Variants in NMI observed in about 807,000 individuals in gnomAD.
The protein encoded by NMI is N-myc and STAT interactor.
Under a neutral mutation model 34.3 loss-of-function variants are expected in NMI, and 39 were observed. The observed-to-expected ratio is 1.14, with a 90% confidence interval of 0.88 to 1.49. The LOEUF (loss-of-function observed/expected upper bound fraction) is 1.49. NMI is among the 40% of genes most tolerant of loss of function. The pLI, the probability that NMI is intolerant of heterozygous loss-of-function variation, is 0.00. For missense variants in NMI, 339 were observed against 358.1 expected (o/e 0.95, Z 0.43); for synonymous variants, 113 against 120.3 (o/e 0.94, Z 0.40).
Position 151,282,924 on chromosome 2 carries a change from G to GT in NMI, c.24dup (p.Gln9ThrfsTer5), listed in dbSNP as rs760536315. 1.3e-6 allele frequency: 2 copies of GT among 1,529,884 alleles called. No individual in the cohort carries two copies. The highest frequency in any genetic ancestry group is 1.8e-6 in the Non-Finnish European group (2 of 1,133,460). The allele number at this position is 1,529,884 out of a possible 1,614,324, so 94.8% of individuals were successfully genotyped here. On this transcript the variant is annotated frameshift_variant, in exon 2 of 8. Coordinates refer to ENST00000243346, the MANE Select transcript of NMI (RefSeq NM_004688.3). LOFTEE classifies it high-confidence loss of function. Reference sequence around the variant, plus strand: ...GGCGAATGCTCCTTAAGAATTTGTTGTGTGTCATCTTTATCAGCTTCCATG... The same window carrying GT: ...GGCGAATGCTCCTTAAGAATTTGTTGTTGTGTCATCTTTATCAGCTTCCATG...
At chr2:151,282,082 C>A (rs763420600) in intron 2 of NMI, 39 bp from the exon 3 acceptor site, 2 of 892,082 alleles carry the variant, frequency 2.2e-6, no homozygotes, top group Non-Finnish European at 3.6e-6. Context: ...AGTAAATAGC[C>A]CCTGAACTCA....
At chr2:151,279,235 T>C (rs551172099) in intron 3 of NMI, among the ~76,000 whole-genome samples, 25 of 152,326 alleles carry the variant, frequency 1.6e-4, no homozygotes, top group Middle Eastern at 3.4e-3. Context: ...ATCCTCTCAC[T>C]TTTTTCTAAT....
chr2:151,282,088 A>G (rs1482358013), intron 2 of NMI, 45 bp from the exon 3 acceptor site: 3 of 859,170 alleles, frequency 3.5e-6, no homozygotes, highest in Non-Finnish European at 5.7e-6. Context: ...TAGCCCCTGA[A>G]CTCATTTTTC....
chr2:151,289,252 C>CAAAA (rs5835358), intron 1 of NMI, among the ~76,000 whole-genome samples: 15 of 74,268 alleles, frequency 2.0e-4, no homozygotes, highest in Non-Finnish European at 2.6e-4. Context: ...GACTCCGTCT[C>CAAAA]AAAAAAAAAA....
chr2:151,277,144 G>A (rs1408442952), intron 4 of NMI: 1 of 117,058 alleles, frequency 8.5e-6, no homozygotes, highest in Non-Finnish European at 1.8e-5. Flanking sequence ...CCACACCACA[G>A]CTGGAGGAAG....
chr2:151,271,069 C>A (rs1683176805), intron 7 of NMI, among the ~76,000 whole-genome samples, 194 bp from the exon 8 acceptor site: 1 of 152,100 alleles, frequency 6.6e-6, no homozygotes, highest in Non-Finnish European at 1.5e-5. Flanking sequence ...CATTATGGAA[C>A]ACAGAGGAAA....
chr2:151,279,939 T>C (rs537858226), intron 3 of NMI, among the ~76,000 whole-genome samples: 1 of 152,056 alleles, frequency 6.6e-6, no homozygotes, highest in African/African-American at 2.4e-5. Context: ...CTCACACTCG[T>C]AATCCCAGCA....
At chr2:151,284,112 C>G (rs1262330891) in intron 1 of NMI, among the ~76,000 whole-genome samples, 1 of 152,064 alleles carries the variant, frequency 6.6e-6, no homozygotes, top group Non-Finnish European at 1.5e-5. Context: ...AATCCCAGCA[C>G]TTTGGGAGGC....
In NMI at chr2:151,275,613, G is replaced by C. The variant is rs530144789; in HGVS notation, c.505C>G (p.Arg169Gly). ...INVTEIPDTLREDQMRDKLEL... is the reference protein window; with the variant it reads ...INVTEIPDTLGEDQMRDKLEL... ...AGTTTGTCTCTCATTTGATCTTCAC[G>C]CAATGTGTCAGGAATTTCAGTAACA... is the stretch of plus-strand genomic sequence containing the variant. The change falls in exon 6 of 8, where the codon CGT becomes GGT. Residue 169 changes from arginine to glycine, a missense_variant. By Grantham distance (125) the Arg-to-Gly change is moderately radical. Coordinates refer to ENST00000243346, the MANE Select transcript of NMI (RefSeq NM_004688.3). 3 of 1,614,050 alleles carry C rather than the reference G, an allele frequency of 1.9e-6. No individual in the cohort carries two copies. In the South Asian group the frequency reaches 3.3e-5, roughly 18 times the overall value.
chr2:151,283,303 G>C (rs148418369), intron 1 of NMI, among the ~76,000 whole-genome samples: 2 of 151,812 alleles, frequency 1.3e-5, no homozygotes, highest in Non-Finnish European at 2.9e-5. Context: ...CACCATGCCC[G>C]GCTAATTTTT....
chr2:151,276,754 A>C (rs1334688159), intron 4 of NMI, among the ~76,000 whole-genome samples: 1 of 152,218 alleles, frequency 6.6e-6, no homozygotes, highest in African/African-American at 2.4e-5. Flanking sequence ...TAAAGACTAC[A>C]TAGGCTGGAA....
intron 1 of NMI, among the ~76,000 whole-genome samples, chr2:151,288,586 TGC>T (rs34660876): frequency 0.085 from 12,598 of 148,056 alleles, 618 homozygotes; most frequent in South Asian, 0.12. Context: ...TGTGTGTGTG[TGC>T]GCGCGCGCGC....
chr2:151,278,704 C>A, intron 4 of NMI, 124 bp downstream of exon 4: 1 of 735,542 alleles, frequency 1.4e-6, no homozygotes, highest in South Asian at 1.8e-5. Flanking sequence ...ATCATACCTG[C>A]CTCAGAACGT....
At chr2:151,273,016 A>T (rs917475658) in intron 6 of NMI, among the ~76,000 whole-genome samples, 1 of 151,992 alleles carries the variant, frequency 6.6e-6, no homozygotes, top group Non-Finnish European at 1.5e-5. Flanking sequence ...GATAGTGGTG[A>T]TGGTTGTACA....
At chr2:151,282,724 A>G (rs1683427492) in intron 2 of NMI, 144 bp downstream of exon 2, 2 of 469,344 alleles carry the variant, frequency 4.3e-6, no homozygotes, top group Non-Finnish European at 7.6e-6. Context: ...CTTAAATAAC[A>G]TAATGGAAGT....
intron 4 of NMI, chr2:151,277,727 G>C (rs1279058337): frequency 6.6e-6 from 1 of 152,214 alleles, no homozygotes; most frequent in Admixed American, 6.5e-5. Context: ...CACAGATACT[G>C]TCCTGCTGGA....
At chr2:151,283,519 A>G (rs1683444820) in intron 1 of NMI, among the ~76,000 whole-genome samples, 3 of 152,218 alleles carry the variant, frequency 2.0e-5, no homozygotes, top group Non-Finnish European at 4.4e-5. Context: ...TAATATATAG[A>G]AAGTAATGAA....
chr2:151,275,947 G>C, intron 4 of NMI, 83 bp from the exon 5 acceptor site: 1 of 920,668 alleles, frequency 1.1e-6, no homozygotes, highest in Non-Finnish European at 1.6e-6. Context: ...AAATTATCCT[G>C]AATATTTTTA....
At chr2:151,271,927 G>C (rs1683195224) in intron 6 of NMI, among the ~76,000 whole-genome samples, 195 bp from the exon 7 acceptor site, 1 of 152,078 alleles carries the variant, frequency 6.6e-6, no homozygotes, top group African/African-American at 2.4e-5. Context: ...ACAATAATGA[G>C]GTTTAAAGCC....
Sources: allele counts gnomAD v4.1 joint callset (sites outside exome capture counted in the v4.1 genomes callset), GRCh38; gene constraint gnomAD v4.1.1; transcripts MANE v1.5; gene names NCBI Gene and HGNC (gene_info 2026-07-23, HGNC 2026-07-21).